The following ALDH3A1 variants were observed in gnomAD, a reference collection of about 807,000 sequenced individuals.
ALDH3A1 encodes aldehyde dehydrogenase, dimeric NADP-preferring.
ALDH3A1 carries 46 observed loss-of-function variants against 49.9 expected under a neutral mutation model. The observed-to-expected ratio is 0.92, with a 90% CI of 0.73 to 1.18. The LOEUF (loss-of-function observed/expected upper bound fraction) is 1.18. Ranked by LOEUF, ALDH3A1 falls within the 50% of genes most tolerant of loss-of-function variation. The pLI is 0.00. For missense variants in ALDH3A1, 592 were observed against 611.8 expected, an observed-to-expected ratio of 0.97 and a Z score of 0.34; for synonymous variants, 269 against 253.3, an observed-to-expected ratio of 1.06 and a Z score of -0.59.
chr17:19,739,136 C>T, intron 8 of ALDH3A1, 41 bp from the exon 9 acceptor site: 3 of 1,569,880 alleles, frequency 1.9e-6, no homozygotes, highest in Non-Finnish European at 2.6e-6. Context: ...CTCCTGCCCA[C>T]AGGATGCCCC....
At chr17:19,747,488 T>A (rs1313890542) in intron 1 of ALDH3A1, among the ~76,000 whole-genome samples, 1 of 152,206 alleles carries the variant, frequency 6.6e-6, no homozygotes, top group Non-Finnish European at 1.5e-5. Flanking sequence ...GGGAAGAGCC[T>A]GGTGAGCGTG....
chr17:19,743,321 G>A lies in ALDH3A1; in HGVS notation c.305C>T (p.Ser102Leu), dbSNP rs774324168. The A allele has an allele frequency of 1.2e-5, 19 of 1,614,056 alleles. No individual in the cohort carries two copies. The highest frequency in any genetic ancestry group is 2.7e-5 in the African/African-American group (2 of 74,934). ...QTQQDELYIH[S>L]EPLGVVLVIG... ...GACGAGGACCACGCCCAGTGGCTCCGAGTGGATGTAGAGCTCGTCCTGCTG... is the reference window on the plus strand; with the variant it reads ...GACGAGGACCACGCCCAGTGGCTCCAAGTGGATGTAGAGCTCGTCCTGCTG... The change falls in exon 3 of 11, where the codon TCG (serine) becomes TTG (leucine). Residue 102 changes from serine (S) to leucine (L), a missense_variant. Ser to Leu is a moderately radical substitution (Grantham distance 145). Coordinates refer to ENST00000225740, the MANE Select transcript of ALDH3A1 (RefSeq NM_000691.5). This position sits in a 1 kb window ranked among gnomAD's most constrained non-coding sequence, Gnocchi z 4.4.
rs1203187956 is a variant in ALDH3A1 at position 19,742,078 on chromosome 17, G to A, written c.615C>T (p.Thr205=). 1 of 1,614,034 alleles carries A rather than the reference G, an allele frequency of 6.2e-7. No individual in the cohort carries two copies. The highest frequency in any genetic ancestry group is 1.3e-5 in the African/African-American group (1 of 75,024). ...IIMTAAAKHL[T]PVTLELGGKS... ...TCCCTCCCAGCTCCAGCGTGACAGG[G>A]GTCAGGTGCTTGGCAGCAGCCGTCA... Residue 205 remains threonine, a synonymous_variant, in exon 5 of 11, where the codon ACC becomes ACT. Transcript: ENST00000225740.
At chr17:19,741,633 G>C (rs1397877867) in intron 5 of ALDH3A1, among the ~76,000 whole-genome samples, 1 of 152,168 alleles carries the variant, frequency 6.6e-6, no homozygotes, top group African/African-American at 2.4e-5. Flanking sequence ...CTCTGGGCCT[G>C]CTCTCCAGAA....
At chr17:19,740,993 A>G (rs1438365635) in intron 6 of ALDH3A1, 100 bp downstream of exon 6, 2 of 889,970 alleles carry the variant, frequency 2.2e-6, no homozygotes, top group Non-Finnish European at 3.7e-6. Context: ...AGAAGAAAAT[A>G]AATCCAGTGT....
In ALDH3A1 at chr17:19,738,412, C is replaced by G; in HGVS notation, c.1258G>C (p.Glu420Gln). The change falls in exon 10 of 11, where the codon GAG (glutamate) becomes CAG (glutamine). Residue 420 changes from glutamate to glutamine, a missense_variant. Transcript: ENST00000225740. Reference protein sequence around the residue: ...MGSYHGKKSFETFSHRRSCLV... With the variant: ...MGSYHGKKSFQTFSHRRSCLV... ...CAAGAGCGGCGGTGAGAGAAAGTCT[C>G]GAAGCTCTTCTTGCCATGGTAGGAT... The G allele has an allele frequency of 6.8e-6, 11 of 1,613,678 alleles. No homozygotes were observed. The highest frequency in any genetic ancestry group is 9.3e-6 in the Non-Finnish European group (11 of 1,179,772).
Position 19,743,827 on chromosome 17 carries a change from AGGGGGGATAGATTCGGG to A in ALDH3A1, c.163-381_163-365del. On this transcript the variant is annotated intron_variant, in intron 2 of 10. Coordinates refer to ENST00000225740, the MANE Select transcript of ALDH3A1 (RefSeq NM_000691.5). This position sits in a 1 kb window ranked among gnomAD's most constrained non-coding sequence, Gnocchi z 4.4. ...CGGGGAGGGGGGGATGGATCCGGGGAGGGGGGATAGATTCGGGCACTGGGAGCTGGATCCGGGCAGGG... is the reference window on the plus strand; with the variant it reads ...CGGGGAGGGGGGGATGGATCCGGGGACACTGGGAGCTGGATCCGGGCAGGG... 1 of 502,254 alleles carries A rather than the reference AGGGGGGATAGATTCGGG, an allele frequency of 2.0e-6. No homozygotes were observed. The allele number at this position is 502,254 out of a possible 1,614,324, so 31.1% of individuals were successfully genotyped here.
Position 19,743,748 on chromosome 17 carries a change from T to A in ALDH3A1, c.163-285A>T, listed in dbSNP as rs897311750. 1 of 965,530 alleles carries A rather than the reference T, an allele frequency of 1.0e-6. No individual in the cohort carries two copies. The highest frequency in any genetic ancestry group is 2.0e-5 in the African/African-American group (1 of 50,422). The allele number at this position is 965,530 out of a possible 1,614,324, so 59.8% of individuals were successfully genotyped here. Reference sequence around the variant, plus strand: ...GCATGGGCAACGGAATGGATCCAGGTAGGGGGAATAGAGCCGGGCAGGGGA... The same window carrying A: ...GCATGGGCAACGGAATGGATCCAGGAAGGGGGAATAGAGCCGGGCAGGGGA... On this transcript the variant is annotated intron_variant, in intron 2 of 10. Transcript: ENST00000225740. This position sits in a 1 kb window ranked among gnomAD's most constrained non-coding sequence, Gnocchi z 4.4.
intron 1 of ALDH3A1, among the ~76,000 whole-genome samples, chr17:19,747,131 C>T (rs1303659920): frequency 6.6e-6 from 1 of 152,088 alleles, no homozygotes; most frequent in Non-Finnish European, 1.5e-5. Context: ...TTTTAAAAAA[C>T]CCTATATATC....
At position 19,740,488 on chromosome 17, in the gene ALDH3A1, G is replaced by T; in HGVS notation, c.808-11C>A. 6.2e-7 allele frequency: 1 copy of T among 1,613,650 alleles called. No homozygotes were observed. ...TTCCCCGTAGAACTCCTGTGGAGAA[G>T]AGGTGGGGGCTTCGGGTAAGGACGC... On this transcript the variant is annotated splice_polypyrimidine_tract_variant and intron_variant, in intron 6 of 10. Transcript: ENST00000225740.
At chr17:19,747,305 C>G (rs1479708076) in intron 1 of ALDH3A1, among the ~76,000 whole-genome samples, 1 of 152,130 alleles carries the variant, frequency 6.6e-6, no homozygotes, top group Non-Finnish European at 1.5e-5. Flanking sequence ...GTGCTCTAAG[C>G]CTGGCCCTTC....
Position 19,738,224 on chromosome 17 carries a change from G to A in ALDH3A1, c.1359C>T (p.His453=), listed in dbSNP as rs750559783. The A allele has an allele frequency of 6.2e-7, 1 of 1,614,050 alleles. No individual in the cohort carries two copies. Among genetic ancestry groups the A allele is most frequent in the Non-Finnish European group, 8.5e-7 (1 of 1,180,014 alleles). ...GGCCAGGCGGAGCAACCCCTCCTCA[G>A]TGCTGGGTCATCTGTGAAAGGGACA... ...YPPSPAKMTQ[H] The change falls in exon 11 of 11, where the codon CAC becomes CAT. Residue 453 remains histidine, a synonymous_variant. Transcript: ENST00000225740.
chr17:19,748,001 G>A lies in ALDH3A1; in HGVS notation c.-6+258C>T. ...CTGCTGCCTTCCTTCCAGTCATGGAGTCTGACGGCCCATCAGGGCCTCTCA... is the reference window on the plus strand; with the variant it reads ...CTGCTGCCTTCCTTCCAGTCATGGAATCTGACGGCCCATCAGGGCCTCTCA... On this transcript the variant is annotated intron_variant, in intron 1 of 10. Coordinates refer to ENST00000225740, the MANE Select transcript of ALDH3A1 (RefSeq NM_000691.5). The surrounding 1 kb of genome is among the most constrained non-coding windows in gnomAD (Gnocchi z 4.4). 1 of 198,634 alleles carries A rather than the reference G, an allele frequency of 5.0e-6. No individual in the cohort carries two copies. The highest frequency in any genetic ancestry group is 5.0e-5 in the Admixed American group (1 of 20,026). The allele number at this position is 198,634 out of a possible 1,614,324, so 12.3% of individuals were successfully genotyped here.
At chr17:19,742,234 G>T (rs2086508955) in intron 4 of ALDH3A1, 22 bp from the exon 5 acceptor site, 1 of 1,611,460 alleles carries the variant, frequency 6.2e-7, no homozygotes, top group Non-Finnish European at 8.5e-7. Context: ...GGAGAGAGGG[G>T]AGGCTCAGCA....
At position 19,742,244 on chromosome 17, in the gene ALDH3A1, AAAGACC is replaced by A. The variant is rs142785160; in HGVS notation, c.481-38_481-33del. 6.0e-3 allele frequency: 9,697 copies of A among 1,605,790 alleles called. 41 individuals carry two copies. Among genetic ancestry groups the A allele is most frequent in the Non-Finnish European group, 7.6e-3 (8,887 of 1,172,878 alleles). ...TGCAAGGAGAGAGGGGAGGCTCAGC[AAAGACC>A]AAGCCCCTCCTCGCTCTTGCAAGTG... On this transcript the variant is annotated intron_variant, in intron 4 of 10. Transcript: ENST00000225740.
At chr17:19,740,613 T>G (rs2086474950) in intron 6 of ALDH3A1, 136 bp from the exon 7 acceptor site, 2 of 1,013,158 alleles carry the variant, frequency 2.0e-6, no homozygotes, top group Non-Finnish European at 2.9e-6. Flanking sequence ...TTTATGCTTT[T>G]TAATCTTTTC....
intron 1 of ALDH3A1, among the ~76,000 whole-genome samples, chr17:19,747,376 A>C (rs2086614326): frequency 6.6e-6 from 1 of 152,130 alleles, no homozygotes; most frequent in South Asian, 2.1e-4. Flanking sequence ...GGACCTCCTC[A>C]GTCCCATGGG....
intron 2 of ALDH3A1, 73 bp downstream of exon 2, chr17:19,744,895 T>TGCCCCCCCCCCCCCCCCCCCCCCC: frequency 1.1e-6 from 1 of 924,176 alleles, no homozygotes; most frequent in Non-Finnish European, 1.4e-6. Context: ...GGTCGCACTC[T>TGCCCCCCCCCCCCCCCCCCCCCCC]CCCCAGCCCC....
chr17:19,739,451 A>C, intron 8 of ALDH3A1, 57 bp downstream of exon 8: 1 of 1,559,238 alleles, frequency 6.4e-7, no homozygotes, highest in Non-Finnish European at 8.7e-7. Context: ...TGCAGTTTGA[A>C]CCCAGGTCTG....
Sources: allele counts gnomAD v4.1 joint callset (sites outside exome capture counted in the v4.1 genomes callset), GRCh38; gene constraint gnomAD v4.1.1; non-coding constraint Gnocchi (gnomAD v3.1); transcripts MANE v1.5; gene names NCBI Gene and HGNC (gene_info 2026-07-23, HGNC 2026-07-21).